The following EYA1 variants were observed in gnomAD, a reference collection of about 807,000 sequenced individuals.
EYA1 encodes the protein EYA transcriptional coactivator and phosphatase 1.
A neutral mutation model predicts 82.0 loss-of-function variants in EYA1; 16 were observed. That is an observed-to-expected ratio of 0.20 (90% CI 0.13 to 0.30). EYA1 has a LOEUF of 0.30. EYA1 is among the 10% of genes least tolerant of loss of function. The probability of loss-of-function intolerance (pLI) is 1.00; values close to 1 mark genes in which losing one functional copy is unlikely to be tolerated. For missense variants in EYA1, 633 were observed against 730.7 expected (o/e 0.87, Z 1.54); for synonymous variants, 261 against 264.4 (o/e 0.99, Z 0.12).
intron 2 of EYA1, among the ~76,000 whole-genome samples, chr8:71,458,515 T>G (rs1808129600): frequency 6.6e-6 from 1 of 151,976 alleles, no homozygotes; most frequent in Admixed American, 6.6e-5. Flanking sequence ...CAAGAACTGT[T>G]GAAAATACTA....
chr8:71,341,548 C>T (rs6983593), intron 3 of EYA1, among the ~76,000 whole-genome samples: 113,406 of 152,132 alleles, frequency 0.75, 42,414 homozygotes, highest in East Asian at 0.83. Flanking sequence ...GCATGATTGA[C>T]TCAATATTAC....
At chr8:71,447,369 G>A (rs918224392) in intron 2 of EYA1, among the ~76,000 whole-genome samples, 7 of 151,972 alleles carry the variant, frequency 4.6e-5, no homozygotes, top group South Asian at 2.1e-4. Context: ...CCTTCTCCAC[G>A]TATGCTCCAG....
chr8:71,472,788 GATATATATATAT>G (rs71264559), intron 2 of EYA1, among the ~76,000 whole-genome samples: 14 of 126,840 alleles, frequency 1.1e-4, no homozygotes, highest in East Asian at 7.1e-4. Context: ...TAGCTTTGAA[GATATATATATAT>G]ATATATATAT....
intron 4 of EYA1, among the ~76,000 whole-genome samples, chr8:71,325,786 T>G (rs567176560): frequency 6.6e-6 from 1 of 152,346 alleles, no homozygotes; most frequent in Non-Finnish European, 1.5e-5. Flanking sequence ...TCATATCTTT[T>G]GGGCTTTCTT....
At chr8:71,547,268 C>T (rs1243809084) in intron 1 of EYA1, among the ~76,000 whole-genome samples, 3 of 152,208 alleles carry the variant, frequency 2.0e-5, no homozygotes, top group African/African-American at 7.2e-5. Context: ...GAGCTTCGAG[C>T]TCACGCACAT....
At chr8:71,428,430 C>T (rs1477006579) in intron 2 of EYA1, among the ~76,000 whole-genome samples, 7 of 152,254 alleles carry the variant, frequency 4.6e-5, no homozygotes, top group Non-Finnish European at 8.8e-5. Flanking sequence ...TATCCAACTT[C>T]CATTATACCA....
At chr8:71,483,910 A>G (rs1161022031) in intron 2 of EYA1, among the ~76,000 whole-genome samples, 1 of 152,206 alleles carries the variant, frequency 6.6e-6, no homozygotes, top group Non-Finnish European at 1.5e-5. Flanking sequence ...AAGTAAAATG[A>G]GAGGGTAAAT....
chr8:71,225,324 T>G (rs905565522), intron 12 of EYA1: 1 of 456,108 alleles, frequency 2.2e-6, no homozygotes, highest in Non-Finnish European at 4.4e-6. Flanking sequence ...GGGGAGGGTA[T>G]GTGGTTTGTA....
At chr8:71,216,625 G>T in intron 14 of EYA1, 67 bp downstream of exon 14, 2 of 1,472,082 alleles carry the variant, frequency 1.4e-6, no homozygotes, top group Non-Finnish European at 1.9e-6. Flanking sequence ...ACACAAAAGT[G>T]TACAGTACTT....
intron 10 of EYA1, among the ~76,000 whole-genome samples, chr8:71,270,536 C>T (rs954494680): frequency 3.1e-4 from 47 of 152,268 alleles, no homozygotes; most frequent in African/African-American, 9.9e-4. Flanking sequence ...TTTACTTCTT[C>T]CTATTCCCAC....
At chr8:71,224,687 T>G (rs554264731) in intron 12 of EYA1, among the ~76,000 whole-genome samples, 2 of 152,224 alleles carry the variant, frequency 1.3e-5, no homozygotes, top group African/African-American at 4.8e-5. Context: ...TTAGCAGCAC[T>G]TGAAAAAGAA....
At chr8:71,355,110 T>C (rs1489597594) in intron 2 of EYA1, among the ~76,000 whole-genome samples, 2 of 152,210 alleles carry the variant, frequency 1.3e-5, no homozygotes, top group Non-Finnish European at 2.9e-5. Context: ...GTCACTTGCT[T>C]TACCTATACA....
In EYA1 at chr8:71,291,143, G is replaced by T. The variant is rs144729724; in HGVS notation, c.826+7904C>A. On this transcript the variant is annotated intron_variant, in intron 9 of 17. Coordinates refer to ENST00000340726, the MANE Select transcript of EYA1 (RefSeq NM_000503.6). ...CTCAGGATCATTTCCACAATGAACA[G>T]ACATAAGCATGTTAGCAAGTACAGA... 1.4e-3 allele frequency among the ~76,000 whole-genome samples: 220 copies of T among 152,316 alleles called. No homozygotes were observed. In the East Asian group the frequency reaches 0.016, roughly 11 times the overall value.
At chr8:71,484,956 C>T (rs1054019580) in intron 2 of EYA1, among the ~76,000 whole-genome samples, 5 of 152,214 alleles carry the variant, frequency 3.3e-5, no homozygotes, top group Admixed American at 2.0e-4. Context: ...AAGCCATAAG[C>T]AAAGCTCTGT....
intron 2 of EYA1, among the ~76,000 whole-genome samples, chr8:71,397,352 G>T (rs550322315): frequency 6.6e-6 from 1 of 152,254 alleles, no homozygotes; most frequent in East Asian, 1.9e-4. Flanking sequence ...TGGTTATTTT[G>T]CTCATTAGTT....
chr8:71,517,709 A>C (rs913852272), intron 2 of EYA1, among the ~76,000 whole-genome samples: 6 of 145,558 alleles, frequency 4.1e-5, no homozygotes, highest in Admixed American at 3.4e-4. Context: ...AAAACATACT[A>C]TATATATATA....
chr8:71,297,187 C>A (rs1003753353), intron 9 of EYA1, among the ~76,000 whole-genome samples: 2 of 152,102 alleles, frequency 1.3e-5, no homozygotes, highest in African/African-American at 2.4e-5. Context: ...TAAAATACAT[C>A]ATTCACTCTT....
intron 9 of EYA1, among the ~76,000 whole-genome samples, chr8:71,278,930 T>A (rs55719401): frequency 6.6e-6 from 1 of 152,182 alleles, no homozygotes; most frequent in Admixed American, 6.5e-5. Flanking sequence ...CTCACTCATA[T>A]TGAAGTCTAA....
intron 2 of EYA1, 131 bp downstream of exon 2, chr8:71,356,331 A>G (rs1826875532): frequency 1.3e-6 from 1 of 755,936 alleles, no homozygotes; most frequent in African/African-American, 1.8e-5. Flanking sequence ...GCACACACAC[A>G]CAAACTGTTA....
Sources: allele counts gnomAD v4.1 joint callset (sites outside exome capture counted in the v4.1 genomes callset), GRCh38; gene constraint gnomAD v4.1.1; transcripts MANE v1.5; gene names NCBI Gene and HGNC (gene_info 2026-07-23, HGNC 2026-07-21).